OR3A2: variants seen among roughly 807,000 people sequenced by gnomAD.
OR3A2 encodes the protein olfactory receptor family 3 subfamily A member 2, also known as olfactory receptor 3A2.
For missense variants in OR3A2, 318 were observed against 392.8 expected, an observed-to-expected ratio of 0.81 and a Z score of 1.61; for synonymous variants, 126 against 159.3, an observed-to-expected ratio of 0.79 and a Z score of 1.57.
intron 2 of OR3A2, among the ~76,000 whole-genome samples, chr17:3,364,588 T>G (rs2049547712): frequency 6.6e-6 from 1 of 152,136 alleles, no homozygotes; most frequent in South Asian, 2.1e-4. Flanking sequence ...AGAATGGCTA[T>G]TATCAAAAAG....
intron 3 of OR3A2, among the ~76,000 whole-genome samples, chr17:3,321,971 G>A: frequency 6.6e-6 from 1 of 152,092 alleles, no homozygotes; most frequent in African/African-American, 2.4e-5. Flanking sequence ...GCTCCTCCTT[G>A]TACCTCTGGT....
intron 3 of OR3A2, among the ~76,000 whole-genome samples, chr17:3,322,676 G>A (rs142297305): frequency 0.14 from 20,885 of 152,144 alleles, 1,775 homozygotes; most frequent in African/African-American, 0.24. Flanking sequence ...ATATGGTTGA[G>A]TGGTTTTGAG....
chr17:3,376,304 C>CCT (rs2049683237), intron 2 of OR3A2, among the ~76,000 whole-genome samples: 1 of 152,150 alleles, frequency 6.6e-6, no homozygotes, highest in African/African-American at 2.4e-5. Context: ...CTACATTGGC[C>CCT]AGGATAAATA....
intron 1 of OR3A2, among the ~76,000 whole-genome samples, chr17:3,282,980 G>T (rs980307929): frequency 5.3e-5 from 8 of 151,920 alleles, no homozygotes; most frequent in Admixed American, 2.0e-4. Context: ...CATCTAAAAA[G>T]AATCTCTCTC....
intron 2 of OR3A2, among the ~76,000 whole-genome samples, chr17:3,345,888 G>A (rs189494638): frequency 1.3e-5 from 2 of 152,114 alleles, no homozygotes; most frequent in African/African-American, 4.8e-5. Flanking sequence ...GACAATCACT[G>A]TGAAATTTCA....
At chr17:3,383,372 TA>T (rs2049754503) in intron 2 of OR3A2, among the ~76,000 whole-genome samples, 1 of 152,202 alleles carries the variant, frequency 6.6e-6, no homozygotes, top group South Asian at 2.1e-4. Flanking sequence ...TAACATCTAT[TA>T]GCATCCGTTC....
At chr17:3,312,250 A>G (rs1452900364) in intron 3 of OR3A2, among the ~76,000 whole-genome samples, 2 of 152,202 alleles carry the variant, frequency 1.3e-5, no homozygotes, top group African/African-American at 4.8e-5. Context: ...ACATATATAA[A>G]ATGTTAATAA....
At chr17:3,385,973 T>C in intron 1 of OR3A2, 152 bp downstream of exon 1, 1 of 384,976 alleles carries the variant, frequency 2.6e-6, no homozygotes. Flanking sequence ...TTCCTCCTCC[T>C]CGGCCTGGTG....
intron 2 of OR3A2, among the ~76,000 whole-genome samples, chr17:3,379,171 G>A (rs933386869): frequency 6.6e-6 from 1 of 152,122 alleles, no homozygotes; most frequent in Non-Finnish European, 1.5e-5. Context: ...GTGACTATCA[G>A]TTCCACAAGA....
intron 3 of OR3A2, among the ~76,000 whole-genome samples, chr17:3,303,376 G>A (rs149483219): frequency 1.0e-3 from 158 of 152,216 alleles, no homozygotes; most frequent in South Asian, 4.8e-3. Context: ...GATTTTCTAA[G>A]TGAAAAGGCA....
intron 2 of OR3A2, among the ~76,000 whole-genome samples, chr17:3,382,156 C>T (rs9889904): frequency 0.014 from 2,088 of 152,090 alleles, 36 homozygotes; most frequent in African/African-American, 0.046. Flanking sequence ...GAGGAGCATA[C>T]AGGGAAGGCA....
At chr17:3,340,118 A>G (rs1247133748) in intron 2 of OR3A2, among the ~76,000 whole-genome samples, 1 of 152,138 alleles carries the variant, frequency 6.6e-6, no homozygotes, top group East Asian at 1.9e-4. Context: ...CAGTGGTGAT[A>G]TCCCCTTTAT....
chr17:3,308,570 C>A (rs556985619), intron 3 of OR3A2, among the ~76,000 whole-genome samples: 2 of 152,096 alleles, frequency 1.3e-5, no homozygotes, highest in African/African-American at 4.8e-5. Flanking sequence ...AGCTTTCAAG[C>A]GCTACTCACG....
Position 3,324,029 on chromosome 17 carries a change from C to T in OR3A2, c.-85+12004G>A, listed in dbSNP as rs144697337. On this transcript the variant is annotated intron_variant, in intron 3 of 4. Coordinates refer to the OR3A2 transcript ENST00000573491. ...ATAGATTTGGTCTTTTCACGTAGTC[C>T]CATATTTCTTGGAGGCTTTGTTCAT... is the stretch of plus-strand genomic sequence containing the variant. Among the ~76,000 whole-genome samples, 1,100 of 152,148 alleles carry T rather than the reference C, an allele frequency of 7.2e-3. 10 individuals carry two copies. The highest frequency in any genetic ancestry group is 0.02 in the South Asian group (97 of 4,820).
chr17:3,298,321 G>A (rs1205405808), intron 3 of OR3A2: 1 of 152,162 alleles, frequency 6.6e-6, no homozygotes, highest in Non-Finnish European at 1.5e-5. Flanking sequence ...TGAGGCTCAG[G>A]CTGCCCTTAT....
intron 2 of OR3A2, among the ~76,000 whole-genome samples, chr17:3,362,929 C>T (rs2049530463): frequency 6.6e-6 from 1 of 151,890 alleles, no homozygotes; most frequent in African/African-American, 2.4e-5. Flanking sequence ...CTGAGCTGTA[C>T]CTTGGCCCCT....
intron 3 of OR3A2, among the ~76,000 whole-genome samples, chr17:3,321,487 G>A (rs2049121748): frequency 6.6e-6 from 1 of 151,734 alleles, no homozygotes; most frequent in Non-Finnish European, 1.5e-5. Context: ...TCCAGTTTTT[G>A]CCCATTCAGT....
chr17:3,354,319 T>C (rs2049445559), intron 2 of OR3A2, among the ~76,000 whole-genome samples: 1 of 151,254 alleles, frequency 6.6e-6, no homozygotes, highest in African/African-American at 2.5e-5. Context: ...TGCTTTTCTT[T>C]TCCTCTTTTT....
At chr17:3,354,324 CTTT>C (rs1192104894) in intron 2 of OR3A2, among the ~76,000 whole-genome samples, 1 of 151,146 alleles carries the variant, frequency 6.6e-6, no homozygotes, top group South Asian at 2.1e-4. Flanking sequence ...TTCTTTTCCT[CTTT>C]TTTGAGAAAG....
Sources: gnomAD v4.1 joint callset for allele counts (sites outside exome capture counted in the v4.1 genomes callset) on GRCh38, gnomAD v4.1.1 for gene constraint, MANE v1.5 for transcripts, NCBI Gene and HGNC (gene_info 2026-07-23, HGNC 2026-07-21) for gene names.